ZFYVE26: variants seen among roughly 807,000 people sequenced by gnomAD.
ZFYVE26 encodes zinc finger FYVE-type containing 26, also known as zinc finger FYVE domain-containing protein 26.
In ZFYVE26, 181 loss-of-function variants were observed where a neutral mutation model predicts 276.5. The observed-to-expected ratio is 0.65, with a 90% confidence interval of 0.58 to 0.74. ZFYVE26 has a LOEUF of 0.74. Among genes scored for constraint, ZFYVE26 ranks in the 30% least tolerant of loss-of-function variants. The probability of loss-of-function intolerance (pLI) is 0.00; values close to 1 mark genes in which losing one functional copy is unlikely to be tolerated. For synonymous variants in ZFYVE26, 1,129 were observed against 1,203.1 expected, an observed-to-expected ratio of 0.94 and a Z score of 1.27; for missense variants, 2,821 against 3,097.9, an observed-to-expected ratio of 0.91 and a Z score of 2.12.
Position 67,748,343 on chromosome 14 carries a change from T to A in ZFYVE26, c.*93A>T. 7.1e-7 allele frequency: 1 copy of A among 1,404,536 alleles called. No individual in the cohort carries two copies. Among genetic ancestry groups the A allele is most frequent in the Non-Finnish European group, 9.8e-7 (1 of 1,023,982 alleles). 87.0% of individuals were successfully genotyped at this position (1,404,536 alleles called of 1,614,324 possible). On this transcript the variant is annotated 3_prime_UTR_variant, in exon 42 of 42. Coordinates refer to ENST00000347230, the MANE Select transcript of ZFYVE26 (RefSeq NM_015346.4). ...CCAACCTAGGGCAGAGCCAGAGAAG[T>A]CCCACTCCACTGGAGGAAAGAGGTG...
intron 10 of ZFYVE26, among the ~76,000 whole-genome samples, chr14:67,801,706 T>G (rs2040082128): frequency 1.3e-5 from 2 of 152,248 alleles, no homozygotes; most frequent in African/African-American, 4.8e-5. Flanking sequence ...CTCTATGAAG[T>G]AAGCATTGTT....
chr14:67,779,317 C>A (rs1292584815), intron 23 of ZFYVE26, among the ~76,000 whole-genome samples: 1 of 152,172 alleles, frequency 6.6e-6, no homozygotes, highest in Non-Finnish European at 1.5e-5. Flanking sequence ...AATCCCAGCA[C>A]CTTGGGAGGC....
chr14:67,812,964 G>A (rs189621572), intron 3 of ZFYVE26, among the ~76,000 whole-genome samples: 1 of 151,808 alleles, frequency 6.6e-6, no homozygotes, highest in Non-Finnish European at 1.5e-5. Flanking sequence ...CTTTCTTCTC[G>A]CTCCTACTAG....
intron 27 of ZFYVE26, 60 bp downstream of exon 27, chr14:67,774,956 G>T: frequency 3.4e-6 from 4 of 1,171,638 alleles, no homozygotes; most frequent in African/African-American, 1.5e-5. Context: ...AATTCTGAAG[G>T]ATAGAATAAG....
At chr14:67,771,705 G>A (rs1449678743) in intron 28 of ZFYVE26, among the ~76,000 whole-genome samples, 1 of 152,134 alleles carries the variant, frequency 6.6e-6, no homozygotes, top group Non-Finnish European at 1.5e-5. Flanking sequence ...TCCTGAGTCA[G>A]TGCATATAAC....
chr14:67,776,128 A>T, intron 25 of ZFYVE26, 22 bp from the exon 26 acceptor site: 2 of 1,613,808 alleles, frequency 1.2e-6, no homozygotes, highest in Non-Finnish European at 8.5e-7. Context: ...GTAGATCCAT[A>T]GAGTAAAGAA....
intron 28 of ZFYVE26, chr14:67,769,970 G>A (rs1344311127): frequency 3.6e-6 from 2 of 554,012 alleles, no homozygotes; most frequent in East Asian, 6.4e-5. Context: ...CTCCTGACAA[G>A]TTCTACTTGT....
At chr14:67,753,591 A>C (rs2038703259) in intron 39 of ZFYVE26, 116 bp downstream of exon 39, 1 of 1,099,576 alleles carries the variant, frequency 9.1e-7, no homozygotes, top group Admixed American at 2.0e-5. Flanking sequence ...TTTCATCCCT[A>C]ATGTGCATGT....
chr14:67,799,003 T>C, intron 10 of ZFYVE26: 2 of 1,147,514 alleles, frequency 1.7e-6, no homozygotes, highest in Admixed American at 3.4e-5. Flanking sequence ...CTCTCTGCCC[T>C]CAGATCCTGG....
At chr14:67,778,450 A>T (rs1179220582) in intron 23 of ZFYVE26, 2 of 603,534 alleles carry the variant, frequency 3.3e-6, no homozygotes, top group Non-Finnish European at 5.8e-6. Flanking sequence ...ATGTGGCAAC[A>T]GACACTTGGT....
chr14:67,766,957 G>A (rs1363857065), intron 31 of ZFYVE26, among the ~76,000 whole-genome samples: 1 of 152,100 alleles, frequency 6.6e-6, no homozygotes, highest in African/African-American at 2.4e-5. Flanking sequence ...ACCCACCTCA[G>A]ACTCTCAAAG....
In ZFYVE26 at chr14:67,783,499, T is replaced by C. The variant is rs1411274401; in HGVS notation, c.3653A>G (p.Asn1218Ser). The C allele has an allele frequency of 6.2e-7, 1 of 1,613,562 alleles. No homozygotes were observed. Among genetic ancestry groups the C allele is most frequent in the Non-Finnish European group, 8.5e-7 (1 of 1,180,024 alleles). ...ERLAALLAQE[N>S]LSLSVPQVIV... ...GACCTGTGGCACACTTAGGCTGAGATTCTCTTGGGCCAGAAGGGCTGCCAG... is the reference window on the plus strand; with the variant it reads ...GACCTGTGGCACACTTAGGCTGAGACTCTCTTGGGCCAGAAGGGCTGCCAG... The change falls in exon 21 of 42, where the codon AAT becomes AGT. Residue 1218 changes from asparagine (N) to serine (S), a missense_variant. Transcript: ENST00000347230.
rs932953223 is a variant in ZFYVE26, at chr14:67,776,010, C to G, written c.5071G>C (p.Val1691Leu). 2.5e-6 allele frequency: 4 copies of G among 1,614,116 alleles called. No individual in the cohort carries two copies. Among genetic ancestry groups the G allele is most frequent in the Non-Finnish European group, 3.4e-6 (4 of 1,180,042 alleles). The change falls in exon 26 of 42, where the codon GTG (valine) becomes CTG (leucine). Residue 1691 changes from valine to leucine, a missense_variant. Transcript: ENST00000347230. ...TGCACAGCCACAGTGGCCCAATCCA[C>G]CTTCATGTTCATAAGCAGCTGCTCC... is the stretch of plus-strand genomic sequence containing the variant. ...MLEQLLMNMK[V>L]DWATVAVQTL...
At position 67,798,563 on chromosome 14, in the gene ZFYVE26, G is replaced by A. The variant is rs2040009816; in HGVS notation, c.1699C>T (p.Pro567Ser). 6.2e-7 allele frequency: 1 copy of A among 1,613,988 alleles called. No individual in the cohort carries two copies. Among genetic ancestry groups the A allele is most frequent in the Non-Finnish European group, 8.5e-7 (1 of 1,180,026 alleles). The change falls in exon 11 of 42, where the codon CCT (proline) becomes TCT (serine). Residue 567 changes from proline (P) to serine (S), a missense_variant. Transcript: ENST00000347230. ...ARCQQYLCSI[P>S]DSLCLELLEN... ...AGAAGCTCCAGGCACAGAGAGTCAG[G>A]AATACTGCACAGATACTGTTGACAC...
intron 13 of ZFYVE26, among the ~76,000 whole-genome samples, chr14:67,731,263 G>A (rs528389465): frequency 1.0e-3 from 144 of 140,076 alleles, no homozygotes; most frequent in African/African-American, 3.6e-3. Flanking sequence ...TGCCCAGGCT[G>A]GAGTGCAATG....
rs1337626689 is a variant in ZFYVE26, at chr14:67,772,063, C to T, written c.5468G>A (p.Arg1823Lys). ...ETESICMVCC[R>K]EHFTMFNRRH... ...GCTGCTTACCATGGTGAAGTGCTCC[C>T]TGCAGCAGACCATGCAGATACTCTC... The change falls in exon 28 of 42, where the codon AGG (arginine) becomes AAG (lysine). Residue 1823 changes from arginine to lysine, a missense_variant. Transcript: ENST00000347230. 6.2e-7 allele frequency: 1 copy of T among 1,611,460 alleles called. No homozygotes were observed. The highest frequency in any genetic ancestry group is 1.1e-5 in the South Asian group (1 of 90,642).
chr14:67,777,660 C>T lies in ZFYVE26; in HGVS notation c.4873G>A (p.Ala1625Thr). 2 of 1,614,074 alleles carry T rather than the reference C, an allele frequency of 1.2e-6. No homozygotes were observed. The highest frequency in any genetic ancestry group is 1.3e-5 in the African/African-American group (1 of 74,998). ...EQSLDQHTSL[A>T]TSHFLANYLT... ...TAGTTGGCCAAGAAGTGAGAAGTGG[C>T]CAAGCTAGTGTGCTGGTCGAGGGAT... Residue 1625 changes from alanine to threonine, a missense_variant, in exon 25 of 42, where the codon GCC becomes ACC. Physicochemically the swap from Ala to Thr is moderately conservative, Grantham distance 58. Coordinates refer to ENST00000347230, the MANE Select transcript of ZFYVE26 (RefSeq NM_015346.4).
chr14:67,790,291 C>T (rs1219137117), intron 15 of ZFYVE26, among the ~76,000 whole-genome samples: 1 of 152,162 alleles, frequency 6.6e-6, no homozygotes, highest in Non-Finnish European at 1.5e-5. Context: ...GAGACAGTGG[C>T]CATCAAAACA....
intron 10 of ZFYVE26, chr14:67,799,381 G>C: frequency 1.9e-6 from 3 of 1,611,942 alleles, no homozygotes; most frequent in Non-Finnish European, 2.5e-6. Flanking sequence ...CGAAACAAAA[G>C]ATGAATGCAA....
Sources: allele counts gnomAD v4.1 joint callset (sites outside exome capture counted in the v4.1 genomes callset), GRCh38; gene constraint gnomAD v4.1.1; transcripts MANE v1.5; gene names NCBI Gene and HGNC (gene_info 2026-07-23, HGNC 2026-07-21).